Variants in SLC25A28 observed in about 807,000 individuals in gnomAD.
SLC25A28 encodes the protein mitoferrin-2.
In SLC25A28, 10 loss-of-function variants were observed where a neutral mutation model predicts 31.9. The observed-to-expected ratio is 0.31, with a 90% CI of 0.19 to 0.53. The LOEUF (loss-of-function observed/expected upper bound fraction) is 0.53. Among genes scored for constraint, SLC25A28 ranks in the 20% least tolerant of loss-of-function variants. SLC25A28 has a pLI of 0.95. For missense variants in SLC25A28, 256 were observed against 490.3 expected (o/e 0.52, Z 4.51); for synonymous variants, 208 against 203.6 (o/e 1.02, Z -0.19).
At chr10:99,630,413 C>T in the SLC25A28 span, among the ~76,000 whole-genome samples, 3 of 152,144 alleles carry the variant, frequency 2.0e-5, no homozygotes, top group Non-Finnish European at 2.9e-5. Flanking sequence ...GGATTACAGG[C>T]ATGAGCCACC....
rs371249014 is a variant in SLC25A28 at position 99,620,176 on chromosome 10, G to T, written c.160C>A (p.Arg54=). 306 of 1,530,704 alleles carry T rather than the reference G, an allele frequency of 2.0e-4. No individual in the cohort carries two copies. In the African/African-American group the frequency reaches 3.2e-3, roughly 16 times the overall value. 94.8% of individuals were successfully genotyped at this position (1,530,704 alleles called of 1,614,324 possible). Residue 54 remains arginine (R), a synonymous_variant, in exon 1 of 4, where the codon CGA becomes AGA. Coordinates refer to ENST00000370495, the MANE Select transcript of SLC25A28 (RefSeq NM_031212.4). ...TCCGGGCCGGAGTCCGGATCTTGTC[G>T]TACCGGGGGCCTGCAGGCCCCGGCC... is the stretch of plus-strand genomic sequence containing the variant. ...GEAGACRPPV[R]QDPDSGPDYE... is the part of the protein sequence containing the mutation.
At position 99,613,740 on chromosome 10, in the gene SLC25A28, A is replaced by C. The variant is rs562285722; in HGVS notation, c.476T>G (p.Leu159Trp). The change falls in exon 2 of 4, where the codon TTG becomes TGG. Residue 159 changes from leucine (L) to tryptophan (W), a missense_variant. By Grantham distance (61) the Leu-to-Trp change is moderately conservative (BLOSUM62 -2). Coordinates refer to ENST00000370495, the MANE Select transcript of SLC25A28 (RefSeq NM_031212.4). The surrounding 1 kb of genome is among the most constrained non-coding windows in gnomAD (Gnocchi z 4.9). ...GCCCCCAGGGTGGATTACATCACTC[A>C]ATGTCTTTTTTAACTTTTCGTAGCA... is the stretch of plus-strand genomic sequence containing the variant. ...FACYEKLKKTLSDVIHPGGNS... is the reference protein window; with the variant it reads ...FACYEKLKKTWSDVIHPGGNS... The C allele has an allele frequency of 6.2e-7, 1 of 1,614,168 alleles. No homozygotes were observed. Among genetic ancestry groups the C allele is most frequent in the African/African-American group, 1.3e-5 (1 of 75,040 alleles).
At position 99,610,747 on chromosome 10, in the gene SLC25A28, C is replaced by G. The variant is rs543288971; in HGVS notation, c.*102G>C. On this transcript the variant is annotated 3_prime_UTR_variant, in exon 4 of 4. Transcript: ENST00000370495. ...AAATCCTGGGGGAGAGCCCCTCTAC[C>G]TTCCTTCTAACTCCACTTGAGGTGG... 4.1e-6 allele frequency: 6 copies of G among 1,446,476 alleles called. No individual in the cohort carries two copies. Among genetic ancestry groups the G allele is most frequent in the Non-Finnish European group, 5.6e-6 (6 of 1,068,482 alleles). The allele number at this position is 1,446,476 out of a possible 1,614,324, so 89.6% of individuals were successfully genotyped here. A position where few individuals can be genotyped will look rare whatever the true frequency, so the allele number is the denominator to read the frequency against.
At chr10:99,653,950 A>T in the SLC25A28 span, 2 of 152,232 alleles carry the variant, frequency 1.3e-5, 1 homozygote, top group Non-Finnish European at 2.9e-5. Flanking sequence ...AGCAAAAAAT[A>T]AGAAGCATGT....
the SLC25A28 span, among the ~76,000 whole-genome samples, chr10:99,643,436 G>A: frequency 9.9e-5 from 15 of 151,996 alleles, no homozygotes; most frequent in East Asian, 1.9e-4. Flanking sequence ...TTTTCATCGC[G>A]TCTATTTGAT....
chr10:99,659,005 G>C, the SLC25A28 span, among the ~76,000 whole-genome samples: 1 of 152,210 alleles, frequency 6.6e-6, no homozygotes, highest in South Asian at 2.1e-4. This position sits in a 1 kb window ranked among gnomAD's most constrained non-coding sequence, Gnocchi z 4.1. Context: ...GTGAGGTCGG[G>C]GCATCAGTTT....
At chr10:99,656,981 A>C in the SLC25A28 span, among the ~76,000 whole-genome samples, 138 of 152,328 alleles carry the variant, frequency 9.1e-4, 1 homozygote, top group African/African-American at 3.2e-3. Flanking sequence ...ATATGGATTT[A>C]TTGAAGGAAG....
At position 99,611,046 on chromosome 10, in the gene SLC25A28, G is replaced by A; in HGVS notation, c.898C>T (p.His300Tyr). 1.2e-6 allele frequency: 2 copies of A among 1,614,196 alleles called. No individual in the cohort carries two copies. Among genetic ancestry groups the A allele is most frequent in the Non-Finnish European group, 1.7e-6 (2 of 1,180,028 alleles). The change falls in exon 4 of 4, where the codon CAC (histidine) becomes TAC (tyrosine). Residue 300 changes from histidine (H) to tyrosine (Y), a missense_variant. Physicochemically the swap from His to Tyr is moderately conservative, Grantham distance 83. This residue lies in a region of SLC25A28 where 158 missense variants were observed against 379.1 expected (regional missense o/e 0.42). Coordinates refer to ENST00000370495, the MANE Select transcript of SLC25A28 (RefSeq NM_031212.4). This position sits in a 1 kb window ranked among gnomAD's most constrained non-coding sequence, Gnocchi z 5.5. ...NTQESLALNSHITGHITGMAS... is the reference protein window; with the variant it reads ...NTQESLALNSYITGHITGMAS... ...ATGCCTGTGATATGTCCTGTAATGT[G>A]TGAGTTCAAAGCCAAGGACTCCTGG...
chr10:99,641,578 C>A, the SLC25A28 span, among the ~76,000 whole-genome samples: 525 of 152,222 alleles, frequency 3.4e-3, 2 homozygotes, highest in African/African-American at 0.011. Context: ...TTAATTAGAT[C>A]CCATTTGTCT....
At chr10:99,629,774 G>T in the SLC25A28 span, among the ~76,000 whole-genome samples, 1 of 152,200 alleles carries the variant, frequency 6.6e-6, no homozygotes, top group African/African-American at 2.4e-5. Context: ...CTGCTTAATG[G>T]GGATGGGGTT....
the SLC25A28 span, among the ~76,000 whole-genome samples, chr10:99,652,436 T>C: frequency 2.1e-5 from 3 of 141,990 alleles, no homozygotes; most frequent in African/African-American, 3.1e-5. Context: ...CAAATGCCCC[T>C]TTTTTTTTGT....
At chr10:99,655,057 C>T in the SLC25A28 span, among the ~76,000 whole-genome samples, 1 of 152,206 alleles carries the variant, frequency 6.6e-6, no homozygotes, top group Non-Finnish European at 1.5e-5. Flanking sequence ...TCATGCTTGA[C>T]AAATGCTTGA....
the SLC25A28 span, among the ~76,000 whole-genome samples, chr10:99,632,428 G>C: frequency 6.6e-6 from 1 of 152,010 alleles, no homozygotes; most frequent in Non-Finnish European, 1.5e-5. Context: ...TGGATACTGA[G>C]GGACAACTGT....
At chr10:99,616,748 T>C in intron 1 of SLC25A28, 1 of 984,904 alleles carries the variant, frequency 1.0e-6, no homozygotes, top group Non-Finnish European at 1.2e-6. Flanking sequence ...GAGAGTCTGA[T>C]ACACTGAGTT....
At chr10:99,616,139 A>G (rs1332103) in intron 1 of SLC25A28, 411,634 of 984,844 alleles carry the variant, frequency 0.42, 86,559 homozygotes, top group East Asian at 0.55. Context: ...GAATTTCTGA[A>G]AAACCTCAAT....
At chr10:99,653,573 G>A in the SLC25A28 span, among the ~76,000 whole-genome samples, 1 of 152,174 alleles carries the variant, frequency 6.6e-6, no homozygotes, top group Non-Finnish European at 1.5e-5. Context: ...TTGCTATGTA[G>A]CAACAGATAA....
In SLC25A28 at chr10:99,610,587, GAGC is replaced by G; in HGVS notation, c.*259_*261del. 1.9e-6 allele frequency: 1 copy of G among 516,922 alleles called. No homozygotes were observed. Among genetic ancestry groups the G allele is most frequent in the East Asian group, 3.4e-5 (1 of 29,626 alleles). 32.0% of individuals were successfully genotyped at this position (516,922 alleles called of 1,614,324 possible). On this transcript the variant is annotated 3_prime_UTR_variant, in exon 4 of 4. Coordinates refer to ENST00000370495, the MANE Select transcript of SLC25A28 (RefSeq NM_031212.4). ...CTGCTTATCCCTCTATAACAGTCTA[GAGC>G]AGGTCATCAGGCCCAGGATGGAGAG...
At chr10:99,627,861 C>G in the SLC25A28 span, among the ~76,000 whole-genome samples, 2 of 111,224 alleles carry the variant, frequency 1.8e-5, no homozygotes, top group Non-Finnish European at 3.8e-5. Context: ...ATTAACAATT[C>G]TTACCCACCT....
At chr10:99,622,142 A>AC (rs1332400781), upstream of SLC25A28, among the ~76,000 whole-genome samples, 2 of 152,068 alleles carry the variant, frequency 1.3e-5, no homozygotes, top group Non-Finnish European at 2.9e-5. Flanking sequence ...ACATGGCAAA[A>AC]CCCCGTCTCT....
Sources: gnomAD v4.1 joint callset for allele counts (sites outside exome capture counted in the v4.1 genomes callset) on GRCh38, gnomAD v4.1.1 for gene constraint, gnomAD v4.1.1 regional missense constraint, Gnocchi (gnomAD v3.1) non-coding constraint, MANE v1.5 for transcripts, NCBI Gene and HGNC (gene_info 2026-07-23, HGNC 2026-07-21) for gene names.